Variants in CEP112 observed in about 807,000 individuals in gnomAD.
The protein encoded by CEP112 is centrosomal protein 112.
A neutral mutation model predicts 153.0 loss-of-function variants in CEP112; 127 were observed. The ratio of observed to expected loss-of-function variants is 0.83; its 90% confidence interval spans 0.72 to 0.96. CEP112 has a LOEUF of 0.96. Among genes scored for constraint, CEP112 ranks in the 40% least tolerant of loss-of-function variants. The pLI, the probability that CEP112 is intolerant of heterozygous loss-of-function variation, is 0.00. For synonymous variants in CEP112, 358 were observed against 374.4 expected, an observed-to-expected ratio of 0.96 and a Z score of 0.51; for missense variants, 1,089 against 1,101.2, an observed-to-expected ratio of 0.99 and a Z score of 0.16.
chr17:65,855,155 TG>T (rs2146337872), intron 20 of CEP112, among the ~76,000 whole-genome samples: 1 of 152,220 alleles, frequency 6.6e-6, no homozygotes, highest in East Asian at 1.9e-4. Context: ...GGGTACAGCC[TG>T]GGGAAGAAAA....
chr17:65,776,511 C>G (rs1401756036), intron 21 of CEP112, among the ~76,000 whole-genome samples: 1 of 152,214 alleles, frequency 6.6e-6, no homozygotes. Context: ...AGGCGTGAGC[C>G]ACCGTGCCCG....
chr17:66,148,470 TAA>T (rs773160665), intron 4 of CEP112, among the ~76,000 whole-genome samples: 1 of 152,212 alleles, frequency 6.6e-6, no homozygotes, highest in Non-Finnish European at 1.5e-5. Context: ...CTAATAATAT[TAA>T]GTCTTCCAAT....
intron 23 of CEP112, among the ~76,000 whole-genome samples, chr17:65,700,694 G>A (rs1004411005): frequency 6.6e-6 from 1 of 152,140 alleles, no homozygotes; most frequent in Non-Finnish European, 1.5e-5. Context: ...TGTAGGAATG[G>A]GAACCACAAA....
chr17:65,640,397 G>T (rs1326619939), intron 25 of CEP112, among the ~76,000 whole-genome samples: 1 of 151,952 alleles, frequency 6.6e-6, no homozygotes, highest in Non-Finnish European at 1.5e-5. Flanking sequence ...CAAATGGTCT[G>T]CCTGCCTCGG....
intron 19 of CEP112, among the ~76,000 whole-genome samples, chr17:65,904,244 T>C (rs2059985957): frequency 6.6e-6 from 1 of 152,224 alleles, no homozygotes; most frequent in Non-Finnish European, 1.5e-5. Flanking sequence ...GATAAGCAAC[T>C]TCAGCAAAGT....
At chr17:65,918,855 C>T (rs1033189025) in intron 19 of CEP112, among the ~76,000 whole-genome samples, 2 of 152,188 alleles carry the variant, frequency 1.3e-5, no homozygotes, top group South Asian at 2.1e-4. Context: ...GGCTAAGATA[C>T]TTTAAAATAC....
intron 18 of CEP112, among the ~76,000 whole-genome samples, chr17:65,958,448 G>A (rs775478308): frequency 1.3e-5 from 2 of 152,150 alleles, no homozygotes; most frequent in East Asian, 3.9e-4. Context: ...TGTACTCCTG[G>A]GGGTTGGGGA....
chr17:66,128,233 G>C (rs1310117959), intron 6 of CEP112, among the ~76,000 whole-genome samples: 1 of 138,232 alleles, frequency 7.2e-6, no homozygotes. Context: ...AACCCAGGAG[G>C]CAGAGGTTGC....
At chr17:66,038,409 C>T (rs988442681) in intron 12 of CEP112, among the ~76,000 whole-genome samples, 16 of 151,210 alleles carry the variant, frequency 1.1e-4, no homozygotes, top group African/African-American at 2.9e-4. Context: ...CAATTTTACA[C>T]ACAAAGTACA....
At chr17:65,776,330 G>A (rs1329339802) in intron 21 of CEP112, among the ~76,000 whole-genome samples, 1 of 152,132 alleles carries the variant, frequency 6.6e-6, no homozygotes, top group East Asian at 1.9e-4. Context: ...CGCCTCCCGA[G>A]TTCACACCAT....
At chr17:65,751,348 A>C (rs2051836688) in intron 21 of CEP112, among the ~76,000 whole-genome samples, 1 of 152,190 alleles carries the variant, frequency 6.6e-6, no homozygotes, top group South Asian at 2.1e-4. Flanking sequence ...TCTGCCACTC[A>C]AGTTCCAATT....
At chr17:66,006,382 C>T (rs892919782) in intron 16 of CEP112, among the ~76,000 whole-genome samples, 1 of 152,024 alleles carries the variant, frequency 6.6e-6, no homozygotes, top group African/African-American at 2.4e-5. Flanking sequence ...CCGAGGCAGG[C>T]GGATCACAAG....
intron 21 of CEP112, among the ~76,000 whole-genome samples, chr17:65,837,226 C>T (rs997889374): frequency 2.8e-4 from 42 of 152,198 alleles, no homozygotes; most frequent in African/African-American, 9.4e-4. Flanking sequence ...GGCCGCCACC[C>T]CGTCTAGGAA....
At chr17:65,790,989 G>A (rs1319206629) in intron 21 of CEP112, among the ~76,000 whole-genome samples, 1 of 151,804 alleles carries the variant, frequency 6.6e-6, no homozygotes, top group Admixed American at 6.6e-5. Context: ...CAGCACTGCA[G>A]GCTACCCTAT....
intron 20 of CEP112, among the ~76,000 whole-genome samples, chr17:65,893,463 T>C (rs1376610088): frequency 6.6e-6 from 1 of 151,882 alleles, no homozygotes; most frequent in East Asian, 1.9e-4. Context: ...TAAACAAATA[T>C]CCAAAAGCAC....
At chr17:65,664,345 A>G (rs1003472361) in intron 24 of CEP112, among the ~76,000 whole-genome samples, 1 of 152,214 alleles carries the variant, frequency 6.6e-6, no homozygotes, top group Non-Finnish European at 1.5e-5. Flanking sequence ...ATGCTTGGGA[A>G]TGCTTAGAAA....
intron 20 of CEP112, among the ~76,000 whole-genome samples, chr17:65,876,181 T>G (rs1213046203): frequency 6.6e-6 from 1 of 152,224 alleles, no homozygotes; most frequent in Admixed American, 6.5e-5. Flanking sequence ...CAAGATCCAC[T>G]GTTCAACGAA....
At chr17:65,711,511 G>T (rs779118224) in intron 23 of CEP112, among the ~76,000 whole-genome samples, 2 of 152,076 alleles carry the variant, frequency 1.3e-5, no homozygotes, top group Non-Finnish European at 1.5e-5. Flanking sequence ...TAAGAAATGG[G>T]CAACCATATT....
At chr17:66,159,262 A>C (rs1472927281) in intron 4 of CEP112, among the ~76,000 whole-genome samples, 1 of 152,216 alleles carries the variant, frequency 6.6e-6, no homozygotes, top group Non-Finnish European at 1.5e-5. Context: ...GCCGAATTCT[A>C]CCATAGGTGC....
Sources: gnomAD v4.1 joint callset for allele counts (sites outside exome capture counted in the v4.1 genomes callset) on GRCh38, gnomAD v4.1.1 for gene constraint, MANE v1.5 for transcripts, NCBI Gene and HGNC (gene_info 2026-07-23, HGNC 2026-07-21) for gene names.